Variants in ZFP28 observed in about 807,000 individuals in gnomAD.
The protein encoded by ZFP28 is ZFP28 zinc finger protein.
Under a neutral mutation model 39.5 loss-of-function variants are expected in ZFP28, and 31 were observed. The ratio of observed to expected loss-of-function variants is 0.79; its 90% CI spans 0.59 to 1.06. ZFP28 has a LOEUF of 1.06. Ranked by LOEUF, ZFP28 falls within the 50% of genes least tolerant of loss-of-function variation. The probability of loss-of-function intolerance (pLI) is 0.00; values close to 1 mark genes in which losing one functional copy is unlikely to be tolerated. For synonymous variants in ZFP28, 400 were observed against 378.6 expected, an observed-to-expected ratio of 1.06 and a Z score of -0.66; for missense variants, 925 against 1,048.4, an observed-to-expected ratio of 0.88 and a Z score of 1.63.
Position 56,547,388 on chromosome 19 carries a change from T to G in ZFP28, c.301-120T>G. 7.0e-7 allele frequency: 1 copy of G among 1,422,974 alleles called. No homozygotes were observed. The highest frequency in any genetic ancestry group is 9.7e-7 in the Non-Finnish European group (1 of 1,031,910). 88.1% of individuals were successfully genotyped at this position (1,422,974 alleles called of 1,614,324 possible). On this transcript the variant is annotated intron_variant, in intron 2 of 7. Coordinates refer to ENST00000301318, the MANE Select transcript of ZFP28 (RefSeq NM_020828.2). This position sits in a 1 kb window ranked among gnomAD's most constrained non-coding sequence, Gnocchi z 4.6. ...TAAATACAGTCACATTCAAAAGTAC[T>G]GGGGATTAGGAGTTTAATGTAGGAG...
intron 2 of ZFP28, among the ~76,000 whole-genome samples, chr19:56,540,245 A>C (rs571988092): frequency 6.6e-6 from 1 of 152,188 alleles, no homozygotes. Flanking sequence ...GGGTAGGCCT[A>C]TTTACCAAGG....
intron 7 of ZFP28, chr19:56,551,249 G>T (rs2044299359): frequency 1.0e-6 from 1 of 986,500 alleles, no homozygotes; most frequent in Non-Finnish European, 1.2e-6. Context: ...TTTTCCTCTT[G>T]ATGCACAAGG....
upstream of ZFP28, chr19:56,538,036 G>A (rs889723611): frequency 6.6e-6 from 1 of 152,276 alleles, no homozygotes; most frequent in Admixed American, 6.5e-5. Flanking sequence ...TCTCTGAGGC[G>A]ATGACAAGTG....
chr19:56,551,842 TTTC>T, intron 7 of ZFP28: 1 of 982,824 alleles, frequency 1.0e-6, no homozygotes, highest in Non-Finnish European at 1.2e-6. Context: ...TGTTAAATAT[TTTC>T]TTAACAGTCT....
intron 6 of ZFP28, 57 bp downstream of exon 6, chr19:56,550,238 C>T: frequency 6.6e-7 from 1 of 1,504,040 alleles, no homozygotes; most frequent in Non-Finnish European, 9.1e-7. Context: ...CATTTCCAAA[C>T]TTCAGTTTTG....
Position 56,547,315 on chromosome 19 carries a change from C to A in ZFP28, c.301-193C>A, listed in dbSNP as rs1600543971. On this transcript the variant is annotated intron_variant, in intron 2 of 7. Transcript: ENST00000301318. The surrounding 1 kb of genome is among the most constrained non-coding windows in gnomAD (Gnocchi z 4.6). ...CAGACAGATTGGGTTAGGGCCCCAC[C>A]CATATGACCTCATTTAACCCTAATT... 2 of 725,518 alleles carry A rather than the reference C, an allele frequency of 2.8e-6. No homozygotes were observed. Among genetic ancestry groups the A allele is most frequent in the Non-Finnish European group, 4.4e-6 (2 of 451,854 alleles). 44.9% of individuals were successfully genotyped at this position (725,518 alleles called of 1,614,324 possible). A position where few individuals can be genotyped will look rare whatever the true frequency, so the allele number is the denominator to read the frequency against.
chr19:56,541,169 G>A (rs531181464), intron 2 of ZFP28, among the ~76,000 whole-genome samples: 19 of 152,252 alleles, frequency 1.2e-4, no homozygotes, highest in African/African-American at 4.6e-4. Flanking sequence ...CCGAAGTCCT[G>A]AGAGTCTCCC....
chr19:56,540,306 C>T (rs988310601), intron 2 of ZFP28, among the ~76,000 whole-genome samples: 1 of 152,174 alleles, frequency 6.6e-6, no homozygotes, highest in Middle Eastern at 3.2e-3. Context: ...TTGGGAGGCA[C>T]AGTAAAGAAA....
Position 56,554,314 on chromosome 19 carries a change from G to A in ZFP28, c.1529G>A (p.Cys510Tyr). The A allele has an allele frequency of 1.9e-6, 3 of 1,614,170 alleles. No homozygotes were observed. The highest frequency in any genetic ancestry group is 2.5e-6 in the Non-Finnish European group (3 of 1,180,030). Residue 510 changes from cysteine to tyrosine, a missense_variant, in exon 8 of 8, where the codon TGT (cysteine) becomes TAT (tyrosine). Cys to Tyr is a radical substitution (Grantham distance 194). Around this residue, in one of 2 missense-constraint regions of ZFP28, gnomAD observed 369 missense variants for 505.5 expected, o/e 0.73. Transcript: ENST00000301318. The surrounding 1 kb of genome is among the most constrained non-coding windows in gnomAD (Gnocchi z 6.7). ...TGEKPFDCID[C>Y]GKAFSDHIGL... is the part of the protein sequence containing the mutation. ...GAGAAACCCTTTGATTGCATCGATTGTGGGAAAGCCTTCAGTGACCACATA... is the reference window on the plus strand; with the variant it reads ...GAGAAACCCTTTGATTGCATCGATTATGGGAAAGCCTTCAGTGACCACATA...
In ZFP28 at chr19:56,539,249, G is replaced by A. The variant is rs763848720; in HGVS notation, c.208+23G>A. On this transcript the variant is annotated intron_variant, in intron 1 of 7. Coordinates refer to ENST00000301318, the MANE Select transcript of ZFP28 (RefSeq NM_020828.2). ...GAGGTGAGAGTGACAGGTGTTTGGG[G>A]CCGAGCGGACAGGGACGAATTCATC... 6.8e-5 allele frequency: 107 copies of A among 1,576,714 alleles called. 1 individual carries two copies. In the East Asian group the frequency reaches 2.3e-3, roughly 34 times the overall value.
chr19:56,554,788 C>A lies in ZFP28; in HGVS notation c.2003C>A (p.Thr668Lys). 2 of 1,614,140 alleles carry A rather than the reference C, an allele frequency of 1.2e-6. No individual in the cohort carries two copies. Among genetic ancestry groups the A allele is most frequent in the Non-Finnish European group, 1.7e-6 (2 of 1,180,026 alleles). The change falls in exon 8 of 8, where the codon ACA becomes AAA. Residue 668 changes from threonine to lysine, a missense_variant. Around this residue, in one of 2 missense-constraint regions of ZFP28, gnomAD observed 369 missense variants for 505.5 expected, o/e 0.73. Transcript: ENST00000301318. The surrounding 1 kb of genome is among the most constrained non-coding windows in gnomAD (Gnocchi z 6.7). ...AHLAQHQKTH[T>K]GEKPYECKEC... ...CTTGCACAGCATCAGAAAACCCATACAGGAGAGAAACCATATGAGTGCAAG... is the reference window on the plus strand; with the variant it reads ...CTTGCACAGCATCAGAAAACCCATAAAGGAGAGAAACCATATGAGTGCAAG...
At position 56,539,087 on chromosome 19, in the gene ZFP28, A is replaced by G. The variant is rs776194148; in HGVS notation, c.69A>G (p.Thr23=). 3.1e-5 allele frequency: 48 copies of G among 1,535,848 alleles called. No individual in the cohort carries two copies. In the Middle Eastern group the frequency reaches 1.1e-3, roughly 35 times the overall value. The change falls in exon 1 of 8, where the codon ACA becomes ACG. Residue 23 remains threonine, a synonymous_variant. Coordinates refer to ENST00000301318, the MANE Select transcript of ZFP28 (RefSeq NM_020828.2). The part of the protein sequence containing the change: ...TPLPGRGAPR[T]KPRAGRGPTV... The stretch of plus-strand genomic sequence containing the variant: ...TCCCGGGTAGAGGCGCCCCCCGCAC[A>G]AAGCCCCGGGCGGGCCGAGGCCCGA...
chr19:56,549,897 A>G (rs938633590), intron 5 of ZFP28, among the ~76,000 whole-genome samples, 170 bp from the exon 6 acceptor site: 4 of 152,188 alleles, frequency 2.6e-5, no homozygotes, highest in African/African-American at 7.2e-5. Flanking sequence ...TTCCCCAAAC[A>G]TGTATGCTAT....
chr19:56,542,048 C>T lies in ZFP28; in HGVS notation c.300+2332C>T, dbSNP rs75614121. ...GGCCCTCGTAGTACTTTTCAACATA[C>T]TATATACAGAAATCCCACGTATACC... On this transcript the variant is annotated intron_variant, in intron 2 of 7. Coordinates refer to ENST00000301318, the MANE Select transcript of ZFP28 (RefSeq NM_020828.2). Among the ~76,000 whole-genome samples the T allele has an allele frequency of 5.2e-3, 794 of 151,968 alleles. 10 individuals are homozygous for T. The highest frequency in any genetic ancestry group is 0.018 in the African/African-American group (751 of 41,434).
Position 56,548,070 on chromosome 19 carries a change from C to T in ZFP28, c.523+168C>T, listed in dbSNP as rs143385171. 3.6e-4 allele frequency among the ~76,000 whole-genome samples: 55 copies of T among 152,278 alleles called. 1 individual carries two copies. The highest frequency in any genetic ancestry group is 3.2e-3 in the Admixed American group (49 of 15,298). ...TTCAACTACAGTATTATTTCCAGAA[C>T]AGCAAATTATTAAGACAAGGAATTA... On this transcript the variant is annotated intron_variant, in intron 4 of 7. Coordinates refer to ENST00000301318, the MANE Select transcript of ZFP28 (RefSeq NM_020828.2).
At chr19:56,552,135 T>G in intron 7 of ZFP28, 1 of 483,272 alleles carries the variant, frequency 2.1e-6, no homozygotes, top group Non-Finnish European at 2.7e-6. Flanking sequence ...TTGAGTATAT[T>G]TAAACATTTA....
Position 56,553,767 on chromosome 19 carries a change from A to G in ZFP28, c.982A>G (p.Thr328Ala), listed in dbSNP as rs768060699. The change falls in exon 8 of 8, where the codon ACT becomes GCT. Residue 328 changes from threonine to alanine, a missense_variant. By Grantham distance (58) the Thr-to-Ala change is moderately conservative. Transcript: ENST00000301318. ...AGGGGTAACAGACAGAACCTCAAAC[A>G]CTAAACTTGATTGTTCCAGTTTCAG... The part of the protein sequence containing the change: ...AEGVTDRTSN[T>A]KLDCSSFREN... The G allele has an allele frequency of 1.9e-6, 3 of 1,614,158 alleles. No homozygotes were observed. Among genetic ancestry groups the G allele is most frequent in the Non-Finnish European group, 2.5e-6 (3 of 1,180,022 alleles).
rs1421459138 is a variant in ZFP28, at chr19:56,550,603, C to T, written c.896C>T (p.Ser299Leu). The T allele has an allele frequency of 3.1e-6, 5 of 1,613,938 alleles. No individual in the cohort carries two copies. The highest frequency in any genetic ancestry group is 4.2e-6 in the Non-Finnish European group (5 of 1,179,990). ...VKRELTGSLF[S>L]GQRSVHETQE... ...CGAGAGCTGACAGGAAGCCTGTTCT[C>T]AGGTGAGTGCAGGAGAGCCTGGTGT... Residue 299 changes from serine to leucine, a missense_variant and splice_region_variant, in exon 7 of 8, where the codon TCA (serine) becomes TTA (leucine). Physicochemically the swap from Ser to Leu is moderately radical, Grantham distance 145. This residue lies in a region of ZFP28 where 556 missense variants were observed against 542.9 expected (regional missense o/e 1.02). Transcript: ENST00000301318.
In ZFP28 at chr19:56,556,051, C is replaced by T. The variant is rs530090316; in HGVS notation, c.*659C>T. The T allele has an allele frequency of 2.0e-5, 3 of 152,190 alleles. No individual in the cohort carries two copies. The highest frequency in any genetic ancestry group is 7.2e-5 in the African/African-American group (3 of 41,530). The allele number at this position is 152,190 out of a possible 1,614,324, so 9.4% of individuals were successfully genotyped here. A position where few individuals can be genotyped will look rare whatever the true frequency, so the allele number is the denominator to read the frequency against. ...TTAAAAATCACATTTATAAGTGAAC[C>T]GTATTAAAACTTTTAAGGAACCATT... On this transcript the variant is annotated 3_prime_UTR_variant, in exon 8 of 8. Coordinates refer to ENST00000301318, the MANE Select transcript of ZFP28 (RefSeq NM_020828.2).
Sources: gnomAD v4.1 joint callset for allele counts (sites outside exome capture counted in the v4.1 genomes callset) on GRCh38, gnomAD v4.1.1 for gene constraint, gnomAD v4.1.1 regional missense constraint, Gnocchi (gnomAD v3.1) non-coding constraint, MANE v1.5 for transcripts, NCBI Gene and HGNC (gene_info 2026-07-23, HGNC 2026-07-21) for gene names.